ABCA1: variants seen among roughly 807,000 people sequenced by gnomAD.
The protein encoded by ABCA1 is phospholipid-transporting ATPase ABCA1.
ABCA1 carries 133 observed loss-of-function variants against 262.5 expected under a neutral mutation model. That is an observed-to-expected ratio of 0.51 (90% CI 0.44 to 0.59). ABCA1 has a LOEUF of 0.59. Among genes scored for constraint, ABCA1 ranks in the 20% least tolerant of loss-of-function variants. The probability of loss-of-function intolerance (pLI) is 0.00; values close to 1 mark genes in which losing one functional copy is unlikely to be tolerated. For missense variants in ABCA1, 2,452 were observed against 2,777.5 expected (o/e 0.88, Z 2.63); for synonymous variants, 1,022 against 1,043.5 (o/e 0.98, Z 0.40).
intron 9 of ABCA1, among the ~76,000 whole-genome samples, chr9:104,838,534 G>A (rs2472387): frequency 0.14 from 21,123 of 148,144 alleles, 1,731 homozygotes; most frequent in African/African-American, 0.22. Flanking sequence ...GGAGAATGGC[G>A]TGAACCCGGG....
intron 4 of ABCA1, among the ~76,000 whole-genome samples, chr9:104,883,595 A>C (rs1318310678): frequency 6.6e-6 from 1 of 152,236 alleles, no homozygotes. Flanking sequence ...ATAATCATGA[A>C]TCTGGTCTGG....
chr9:104,799,533 T>G, intron 36 of ABCA1: 3 of 981,782 alleles, frequency 3.1e-6, no homozygotes, highest in Non-Finnish European at 3.6e-6. Flanking sequence ...TAAACACTTA[T>G]AATTAAATTA....
chr9:104,847,677 A>G (rs59799502), intron 7 of ABCA1, among the ~76,000 whole-genome samples: 13,005 of 152,192 alleles, frequency 0.085, 1,865 homozygotes, highest in African/African-American at 0.3. Context: ...CCACACTCCA[A>G]TGTGCTGTCT....
intron 5 of ABCA1, among the ~76,000 whole-genome samples, chr9:104,880,626 C>T (rs905485414): frequency 1.3e-5 from 2 of 152,100 alleles, no homozygotes; most frequent in African/African-American, 4.8e-5. Context: ...GCATTTCCCC[C>T]TATACTGAAG....
intron 4 of ABCA1, 132 bp downstream of exon 4, chr9:104,884,295 A>T: frequency 8.6e-7 from 1 of 1,167,038 alleles, no homozygotes; most frequent in Non-Finnish European, 1.3e-6. Context: ...CTCATTCTGC[A>T]GACTCTATCA....
At chr9:104,918,293 A>C (rs1203861404) in intron 1 of ABCA1, among the ~76,000 whole-genome samples, 3 of 152,210 alleles carry the variant, frequency 2.0e-5, no homozygotes, top group South Asian at 2.1e-4. Flanking sequence ...AAACCTGTAG[A>C]GAGAGACTCA....
At chr9:104,923,417 A>G (rs1417710752) in intron 1 of ABCA1, among the ~76,000 whole-genome samples, 1 of 152,234 alleles carries the variant, frequency 6.6e-6, no homozygotes, top group Admixed American at 6.5e-5. Flanking sequence ...ATTTTATTCT[A>G]TTCTTTCCAG....
At chr9:104,800,805 A>G (rs536921077) in intron 34 of ABCA1, among the ~76,000 whole-genome samples, 2 of 152,290 alleles carry the variant, frequency 1.3e-5, no homozygotes, top group South Asian at 2.1e-4. Flanking sequence ...GTCTAGAAGG[A>G]ATCACAGAGA....
chr9:104,891,266 T>C (rs371245099), intron 2 of ABCA1, among the ~76,000 whole-genome samples: 2 of 152,236 alleles, frequency 1.3e-5, no homozygotes, highest in African/African-American at 4.8e-5. Context: ...TTAAACTCTT[T>C]TAAAAAATCT....
chr9:104,897,855 GGT>G (rs2118394648), intron 2 of ABCA1, among the ~76,000 whole-genome samples: 1 of 152,214 alleles, frequency 6.6e-6, no homozygotes, highest in South Asian at 2.1e-4. Context: ...CGCCCACCTT[GGT>G]CTCCCAAAGT....
chr9:104,872,007 G>C (rs1837658926), intron 5 of ABCA1, among the ~76,000 whole-genome samples: 1 of 152,116 alleles, frequency 6.6e-6, no homozygotes, highest in Non-Finnish European at 1.5e-5. Flanking sequence ...GGCTGGTCTA[G>C]GGAAGAATTA....
chr9:104,846,728 G>A (rs900446837), intron 7 of ABCA1, among the ~76,000 whole-genome samples: 4 of 152,132 alleles, frequency 2.6e-5, no homozygotes, highest in Admixed American at 6.5e-5. Context: ...CTTCTGGAAC[G>A]GGTTCTTCAC....
intron 5 of ABCA1, among the ~76,000 whole-genome samples, chr9:104,881,171 A>G (rs1838619077): frequency 6.6e-6 from 1 of 152,084 alleles, no homozygotes; most frequent in African/African-American, 2.4e-5. Flanking sequence ...AGAAAAGAAA[A>G]AGGAAATTAG....
Position 104,802,121 on chromosome 9 carries a change from G to A in ABCA1, c.4631C>T (p.Ala1544Val). The change falls in exon 34 of 50, where the codon GCA becomes GTA. Residue 1544 changes from alanine (A) to valine (V), a missense_variant. Coordinates refer to ENST00000374736, the MANE Select transcript of ABCA1 (RefSeq NM_005502.4). ...GFSLGVSNTQALPPSQEVNDA... is the reference protein window; with the variant it reads ...GFSLGVSNTQVLPPSQEVNDA... The stretch of plus-strand genomic sequence containing the variant: ...ATTAACTTCTTGACTCGGAGGAAGT[G>A]CTTGAGTATTACTGACACCCAGGGA... 2 of 1,614,154 alleles carry A rather than the reference G, an allele frequency of 1.2e-6. No individual in the cohort carries two copies. The highest frequency in any genetic ancestry group is 1.7e-6 in the Non-Finnish European group (2 of 1,180,026).
At chr9:104,848,666 A>C (rs556376037) in intron 7 of ABCA1, among the ~76,000 whole-genome samples, 1 of 151,976 alleles carries the variant, frequency 6.6e-6, no homozygotes, top group East Asian at 1.9e-4. Flanking sequence ...CTACTGAATG[A>C]GAAGTTTAAG....
chr9:104,822,360 T>C, intron 19 of ABCA1, 136 bp downstream of exon 19: 2 of 1,153,802 alleles, frequency 1.7e-6, no homozygotes, highest in African/African-American at 1.5e-5. Context: ...TTAGATAACA[T>C]GTTCACATTC....
intron 1 of ABCA1, among the ~76,000 whole-genome samples, chr9:104,925,215 G>A (rs2515611): frequency 0.19 from 28,618 of 151,894 alleles, 3,094 homozygotes; most frequent in South Asian, 0.34. Flanking sequence ...TGTCTCTACT[G>A]AAAATGCAAA....
At chr9:104,869,551 G>T (rs142664016) in intron 5 of ABCA1, among the ~76,000 whole-genome samples, 1 of 152,190 alleles carries the variant, frequency 6.6e-6, no homozygotes, top group African/African-American at 2.4e-5. Context: ...TTGAAGAATA[G>T]ACGATGCCTG....
At chr9:104,788,300 C>T (rs1442900698) in intron 45 of ABCA1, 126 bp downstream of exon 45, 27 of 1,142,228 alleles carry the variant, frequency 2.4e-5, no homozygotes, top group Non-Finnish European at 3.2e-5. Context: ...ATACAAAGAA[C>T]CAGCATTTTG....
Sources: allele counts gnomAD v4.1 joint callset (sites outside exome capture counted in the v4.1 genomes callset), GRCh38; gene constraint gnomAD v4.1.1; transcripts MANE v1.5; gene names NCBI Gene and HGNC (gene_info 2026-07-23, HGNC 2026-07-21).